The following CAMSAP1 variants were observed in gnomAD, a reference collection of about 807,000 sequenced individuals.
CAMSAP1 encodes calmodulin-regulated spectrin-associated protein 1.
Under a neutral mutation model 143.5 loss-of-function variants are expected in CAMSAP1, and 58 were observed. That is an observed-to-expected ratio of 0.40 (90% confidence interval 0.33 to 0.50). CAMSAP1 has a LOEUF of 0.50. Ranked by LOEUF, CAMSAP1 falls within the 20% of genes least tolerant of loss-of-function variation. The pLI is 0.45. For synonymous variants in CAMSAP1, 945 were observed against 859.3 expected (o/e 1.10, Z -1.74); for missense variants, 1,969 against 2,115.7 (o/e 0.93, Z 1.36).
intron 7 of CAMSAP1, among the ~76,000 whole-genome samples, chr9:135,833,584 G>T (rs907133746): frequency 4.6e-5 from 7 of 152,202 alleles, no homozygotes; most frequent in Non-Finnish European, 8.8e-5. Flanking sequence ...TTCAATAAAT[G>T]TTGTTGGGAA....
intron 7 of CAMSAP1, among the ~76,000 whole-genome samples, chr9:135,842,278 AG>A (rs1463461961): frequency 4.6e-5 from 7 of 152,232 alleles, no homozygotes; most frequent in Non-Finnish European, 7.3e-5. Flanking sequence ...AATGAAATAA[AG>A]CATGAAGACA....
intron 1 of CAMSAP1, among the ~76,000 whole-genome samples, chr9:135,896,520 G>A (rs1156557688): frequency 1.3e-5 from 2 of 152,120 alleles, no homozygotes; most frequent in Non-Finnish European, 2.9e-5. Context: ...CCAACTAGCA[G>A]AATACAACTG....
intron 1 of CAMSAP1, among the ~76,000 whole-genome samples, chr9:135,901,610 G>A (rs1426988332): frequency 6.6e-6 from 1 of 151,982 alleles, no homozygotes; most frequent in Non-Finnish European, 1.5e-5. Context: ...GCAAGACCCT[G>A]TCTCAAAAAA....
intron 3 of CAMSAP1, among the ~76,000 whole-genome samples, chr9:135,877,256 C>T (rs1384938481): frequency 6.6e-6 from 1 of 151,778 alleles, no homozygotes; most frequent in African/African-American, 2.4e-5. Flanking sequence ...ACACACCGCA[C>T]AACTTCACTT....
Position 135,811,822 on chromosome 9 carries a change from C to G in CAMSAP1, c.4507-211G>C, listed in dbSNP as rs1229574495. ...ACTTTACTTAAGAAGTCTAAGCAAG[C>G]AAGGGGGAAAAGAATGCTTTTACGA... On this transcript the variant is annotated intron_variant, in intron 16 of 16. Transcript: ENST00000389532. This position sits in a 1 kb window ranked among gnomAD's most constrained non-coding sequence, Gnocchi z 4.9. Among the ~76,000 whole-genome samples the G allele has an allele frequency of 6.6e-6, 1 of 152,152 alleles. No individual in the cohort carries two copies. Among genetic ancestry groups the G allele is most frequent in the Non-Finnish European group, 1.5e-5 (1 of 68,046 alleles).
chr9:135,873,866 T>C (rs947488037), intron 3 of CAMSAP1, among the ~76,000 whole-genome samples: 2 of 152,138 alleles, frequency 1.3e-5, no homozygotes, highest in African/African-American at 2.4e-5. Context: ...CCCAACTCAC[T>C]TTTTTAGCCC....
At position 135,811,322 on chromosome 9, in the gene CAMSAP1, TG is replaced by T. The variant is rs763682801; in HGVS notation, c.4795del (p.Gln1599ArgfsTer20). The T allele has an allele frequency of 2.5e-6, 4 of 1,612,808 alleles. No homozygotes were observed. The highest frequency in any genetic ancestry group is 3.4e-6 in the Non-Finnish European group (4 of 1,179,358). ...GCTGCACCGGGGTCATTTACGAGTC[TG>T]GGCCTTCTTTGGCACTGCAGGCCGC... ...PKRPAVPKKA[Q>X]TRK is the part of the protein sequence containing the mutation. On this transcript the variant is annotated frameshift_variant, in exon 17 of 17. Transcript: ENST00000389532. LOFTEE classifies it high-confidence loss of function. The surrounding 1 kb of genome is among the most constrained non-coding windows in gnomAD (Gnocchi z 4.9).
At position 135,820,270 on chromosome 9, in the gene CAMSAP1, A is replaced by ATATG. The variant is rs1323294296; in HGVS notation, c.3822+565_3822+568dup. 3.9e-5 allele frequency among the ~76,000 whole-genome samples: 6 copies of ATATG among 152,232 alleles called. No individual in the cohort carries two copies. In the South Asian group the frequency reaches 1.0e-3, roughly 26 times the overall value. Reference sequence around the variant, plus strand: ...TCTTATCATCTTAGGAGACGACGATATATGGTCTTATCATCTTAGGAGACA... The same window carrying ATATG: ...TCTTATCATCTTAGGAGACGACGATATATGTATGGTCTTATCATCTTAGGAGACA... On this transcript the variant is annotated intron_variant, in intron 11 of 16. Transcript: ENST00000389532. This position sits in a 1 kb window ranked among gnomAD's most constrained non-coding sequence, Gnocchi z 4.4.
At chr9:135,845,225 TA>T (rs1836508820) in intron 7 of CAMSAP1, among the ~76,000 whole-genome samples, 1 of 152,302 alleles carries the variant, frequency 6.6e-6, no homozygotes, top group South Asian at 2.1e-4. Flanking sequence ...TGCAAATCAA[TA>T]AACGTAATCC....
At chr9:135,812,305 C>G (rs901674920) in intron 16 of CAMSAP1, among the ~76,000 whole-genome samples, 1 of 152,066 alleles carries the variant, frequency 6.6e-6, no homozygotes, top group South Asian at 2.1e-4. Context: ...AGCATGGGGT[C>G]GGAGCATGCA....
At chr9:135,836,398 C>G (rs528877935) in intron 7 of CAMSAP1, 2 of 984,794 alleles carry the variant, frequency 2.0e-6, no homozygotes, top group East Asian at 1.1e-4. Context: ...CACGTTACCA[C>G]GCTTTTTCTA....
intron 7 of CAMSAP1, chr9:135,837,024 C>A: frequency 1.2e-6 from 1 of 850,380 alleles, no homozygotes; most frequent in Non-Finnish European, 1.4e-6. Context: ...AGACACACGT[C>A]ACCACACATG....
chr9:135,879,830 CAG>C (rs1554798320), intron 3 of CAMSAP1, among the ~76,000 whole-genome samples: 183 of 151,932 alleles, frequency 1.2e-3, no homozygotes, highest in African/African-American at 4.2e-3. Context: ...AGAAGGGCCA[CAG>C]GGGAGTCACT....
At chr9:135,830,612 C>A (rs998432406) in intron 7 of CAMSAP1, among the ~76,000 whole-genome samples, 2 of 152,178 alleles carry the variant, frequency 1.3e-5, no homozygotes, top group African/African-American at 4.8e-5. Flanking sequence ...ACTTTAAATA[C>A]TGGATAGAAT....
At chr9:135,842,437 C>T (rs1348782131) in intron 7 of CAMSAP1, among the ~76,000 whole-genome samples, 1 of 152,112 alleles carries the variant, frequency 6.6e-6, no homozygotes, top group Non-Finnish European at 1.5e-5. Flanking sequence ...AGGATATTAT[C>T]CAGGAGAACT....
intron 1 of CAMSAP1, among the ~76,000 whole-genome samples, chr9:135,906,500 A>G (rs1287683748): frequency 1.3e-5 from 2 of 152,270 alleles, no homozygotes; most frequent in African/African-American, 2.4e-5. Context: ...GATCATTATG[A>G]TTAAGCACAA....
intron 7 of CAMSAP1, among the ~76,000 whole-genome samples, chr9:135,848,613 A>AT (rs1280950819): frequency 1.3e-5 from 2 of 152,136 alleles, no homozygotes; most frequent in African/African-American, 4.8e-5. Flanking sequence ...TGTCCATGTG[A>AT]TTCTGTGCCT....
rs1209235881 is a variant in CAMSAP1, at chr9:135,824,210, G to C, written c.1316-176C>G. On this transcript the variant is annotated intron_variant, in intron 9 of 16. Transcript: ENST00000389532. This position sits in a 1 kb window ranked among gnomAD's most constrained non-coding sequence, Gnocchi z 4.1. Reference sequence around the variant, plus strand: ...TCCCACATTTTGATGGTAACACACAGTTCAGAACTGTGAGAGAGCTTCAGC... The same window carrying C: ...TCCCACATTTTGATGGTAACACACACTTCAGAACTGTGAGAGAGCTTCAGC... Among the ~76,000 whole-genome samples, 1 of 152,234 alleles carries C rather than the reference G, an allele frequency of 6.6e-6. No individual in the cohort carries two copies.
At chr9:135,857,317 G>C (rs1341480652) in intron 5 of CAMSAP1, among the ~76,000 whole-genome samples, 2 of 151,746 alleles carry the variant, frequency 1.3e-5, no homozygotes, top group Non-Finnish European at 2.9e-5. Context: ...TTGCTTTTCT[G>C]GTTCTACTTT....
Sources: allele counts gnomAD v4.1 joint callset (sites outside exome capture counted in the v4.1 genomes callset), GRCh38; gene constraint gnomAD v4.1.1; non-coding constraint Gnocchi (gnomAD v3.1); transcripts MANE v1.5; gene names NCBI Gene and HGNC (gene_info 2026-07-23, HGNC 2026-07-21).